The following ABHD11 variants were observed in gnomAD, a reference collection of about 807,000 sequenced individuals.
ABHD11 encodes the protein abhydrolase domain containing 11, also known as sn-1-specific diacylglycerol lipase ABHD11.
ABHD11 carries 26 observed loss-of-function variants against 29.0 expected under a neutral mutation model. The observed-to-expected ratio is 0.90, with a 90% confidence interval of 0.66 to 1.24. The LOEUF is 1.24. ABHD11 is among the 50% of genes most tolerant of loss of function. The probability of loss-of-function intolerance (pLI) is 0.00; values close to 1 mark genes in which losing one functional copy is unlikely to be tolerated. For synonymous variants in ABHD11, 169 were observed against 166.4 expected (o/e 1.02, Z -0.12); for missense variants, 381 against 422.4 (o/e 0.90, Z 0.86).
At position 73,737,745 on chromosome 7, in the gene ABHD11, G is replaced by C. The variant is rs782552241; in HGVS notation, c.262-10C>G. 1.9e-6 allele frequency: 3 copies of C among 1,603,696 alleles called. No homozygotes were observed. The highest frequency in any genetic ancestry group is 1.1e-5 in the South Asian group (1 of 89,818). On this transcript the variant is annotated splice_polypyrimidine_tract_variant and intron_variant, in intron 2 of 5. Transcript: ENST00000222800. ...CATCCACCGTCAGCACCTGGGGAGT[G>C]GGGTGAGACGGGGCTGCGTTGATAT...
intron 2 of ABHD11, 66 bp downstream of exon 2, chr7:73,738,262 G>A: frequency 1.8e-6 from 2 of 1,133,666 alleles, no homozygotes; most frequent in South Asian, 1.3e-5. Flanking sequence ...CCCCTGCCCC[G>A]CCTCCTCTCA....
intron 2 of ABHD11, 139 bp downstream of exon 2, chr7:73,738,189 G>T: frequency 7.6e-7 from 1 of 1,324,154 alleles, no homozygotes; most frequent in Non-Finnish European, 1.1e-6. Flanking sequence ...AATAAATGGG[G>T]TTGCCGTTCA....
rs992942491 is a variant in ABHD11, at chr7:73,738,408, C to G, written c.181G>C (p.Val61Leu). The G allele has an allele frequency of 6.2e-7, 1 of 1,612,038 alleles. No individual in the cohort carries two copies. Among genetic ancestry groups the G allele is most frequent in the Non-Finnish European group, 8.5e-7 (1 of 1,179,140 alleles). The change falls in exon 2 of 6, where the codon GTC (valine) becomes CTC (leucine). Residue 61 changes from valine to leucine, a missense_variant. Coordinates refer to ENST00000222800, the MANE Select transcript of ABHD11 (RefSeq NM_148912.4). ...CTGCCGAAGAGCCCGTGCAAAAAGA[C>G]GACGGCCGGGAGGGCTGCCTCCCCG... ...LDGEAALPAV[V>L]FLHGLFGSKT... is the part of the protein sequence containing the mutation.
chr7:73,738,034 A>T (rs782127601), intron 2 of ABHD11: 3 of 741,818 alleles, frequency 4.0e-6, no homozygotes, highest in South Asian at 3.0e-5. Flanking sequence ...AGCACAGAAG[A>T]ATGGGCTGCC....
At chr7:73,736,808 C>T (rs1322548252) in intron 5 of ABHD11, 117 bp from the exon 6 acceptor site, 18 of 1,576,628 alleles carry the variant, frequency 1.1e-5, no homozygotes, top group African/African-American at 4.0e-5. Flanking sequence ...CCCATATGCC[C>T]GGTGGTATTT....
intron 2 of ABHD11, 130 bp downstream of exon 2, chr7:73,738,198 C>T (rs1299340722): frequency 7.2e-7 from 1 of 1,383,774 alleles, no homozygotes; most frequent in East Asian, 2.5e-5. Context: ...GGTTGCCGTT[C>T]AGGGTCCATA....
At position 73,737,314 on chromosome 7, in the gene ABHD11, A is replaced by G. The variant is rs6460052; in HGVS notation, c.513T>C (p.Tyr171=). 829,798 of 1,613,792 alleles carry G rather than the reference A, an allele frequency of 0.51. 217,616 individuals carry two copies. The highest frequency in any genetic ancestry group is 0.78 in the African/African-American group (58,474 of 74,984). ...ESTGVSHFAT[Y]VAAMRAINIA... is the part of the protein sequence containing the mutation. Reference sequence around the variant, plus strand: ...TGTTGATGGCCCTCATGGCTGCCACATAGGTTGCAAAGTGGGAGACACCTG... The same window carrying G: ...TGTTGATGGCCCTCATGGCTGCCACGTAGGTTGCAAAGTGGGAGACACCTG... The change falls in exon 4 of 6, where the codon TAT becomes TAC. Residue 171 remains tyrosine, a synonymous_variant. Coordinates refer to ENST00000222800, the MANE Select transcript of ABHD11 (RefSeq NM_148912.4).
At position 73,736,669 on chromosome 7, in the gene ABHD11, T is replaced by A; in HGVS notation, c.811A>T (p.Met271Leu). The A allele has an allele frequency of 6.2e-7, 1 of 1,613,854 alleles. No homozygotes were observed. The highest frequency in any genetic ancestry group is 8.5e-7 in the Non-Finnish European group (1 of 1,180,008). ...FVHPSHHPEI[M>L]RLFPRAQMQT... Reference sequence around the variant, plus strand: ...ATCTGGGCCCGAGGGAAGAGCCGCATAATCTCAGGGTGGTGGCTGGGACTG... The same window carrying A: ...ATCTGGGCCCGAGGGAAGAGCCGCAAAATCTCAGGGTGGTGGCTGGGACTG... The change falls in exon 6 of 6, where the codon ATG (methionine) becomes TTG (leucine). Residue 271 changes from methionine to leucine, a missense_variant. Physicochemically the swap from Met to Leu is conservative, Grantham distance 15. Transcript: ENST00000222800.
intron 2 of ABHD11, 43 bp downstream of exon 2, chr7:73,738,282 CACT>C: frequency 1.1e-4 from 166 of 1,456,610 alleles, no homozygotes; most frequent in Middle Eastern, 1.9e-4. Context: ...AGGCCCCGCC[CACT>C]CCCGCCCAGC....
rs1433185681 is a variant in ABHD11 at position 73,737,671 on chromosome 7, A to G, written c.326T>C (p.Ile109Thr). 8.1e-6 allele frequency: 13 copies of G among 1,613,950 alleles called. No homozygotes were observed. Among genetic ancestry groups the G allele is most frequent in the Non-Finnish European group, 1.1e-5 (13 of 1,179,966 alleles). ...AAGGTCCTGCAGGTCCTGGCTCATG[A>G]TCTCGTAGCTCATGTCTGGGCTGTG... ...SPHSPDMSYE[I>T]MSQDLQDLLP... is the part of the protein sequence containing the mutation. Residue 109 changes from isoleucine (I) to threonine (T), a missense_variant, in exon 3 of 6, where the codon ATC becomes ACC. Coordinates refer to ENST00000222800, the MANE Select transcript of ABHD11 (RefSeq NM_148912.4).
In ABHD11 at chr7:73,736,631, C is replaced by T. The variant is rs143792326; in HGVS notation, c.849G>A (p.Pro283=). 62 of 1,613,938 alleles carry T rather than the reference C, an allele frequency of 3.8e-5. No individual in the cohort carries two copies. Among genetic ancestry groups the T allele is most frequent in the Non-Finnish European group, 4.5e-5 (53 of 1,180,034 alleles). ...CAGCGTGGATCCAGTGGCCAGCGTT[C>T]GGCACCGTCTGCATCTGGGCCCGAG... ...LFPRAQMQTV[P]NAGHWIHADR... is the part of the protein sequence containing the mutation. The change falls in exon 6 of 6, where the codon CCG becomes CCA. Residue 283 remains proline (P), a synonymous_variant. Coordinates refer to ENST00000222800, the MANE Select transcript of ABHD11 (RefSeq NM_148912.4).
rs782275089 is a variant in ABHD11, at chr7:73,737,214, G to GT, written c.606+6dup. The GT allele has an allele frequency of 1.2e-5, 19 of 1,613,914 alleles. No homozygotes were observed. Among genetic ancestry groups the GT allele is most frequent in the Middle Eastern group, 1.6e-4 (1 of 6,084 alleles). On this transcript the variant is annotated splice_region_variant and intron_variant, in intron 4 of 5. Coordinates refer to ENST00000222800, the MANE Select transcript of ABHD11 (RefSeq NM_148912.4). ...CAATACCATCCGGGGCACCTTGGGTGTATCACCTGGATGACAGAACTGAGC... is the reference window on the plus strand; with the variant it reads ...CAATACCATCCGGGGCACCTTGGGTGTTATCACCTGGATGACAGAACTGAGC...
intron 4 of ABHD11, 35 bp downstream of exon 4, chr7:73,737,186 C>G: frequency 6.2e-7 from 1 of 1,613,804 alleles, no homozygotes; most frequent in Non-Finnish European, 8.5e-7. Context: ...AGGTCCTGGT[C>G]TACAATACCA....
chr7:73,738,522 G>C, intron 1 of ABHD11, 59 bp from the exon 2 acceptor site: 2 of 1,579,302 alleles, frequency 1.3e-6, no homozygotes, highest in Non-Finnish European at 1.7e-6. Flanking sequence ...AAAGGGGTAG[G>C]GGGAAAGAGC....
Position 73,737,010 on chromosome 7 carries a change from T to C in ABHD11, c.707A>G (p.Lys236Arg). The change falls in exon 5 of 6, where the codon AAG becomes AGG. Residue 236 changes from lysine to arginine, a missense_variant. By Grantham distance (26) the Lys-to-Arg change is conservative. Coordinates refer to ENST00000222800, the MANE Select transcript of ABHD11 (RefSeq NM_148912.4). ...NLDALTQHLD[K>R]ILAFPQRQES... ...CTGCCTCTGTGGGAAAGCCAAGATC[T>C]TGTCTAGGTGCTGGGTCAGGGCATC... 6.2e-7 allele frequency: 1 copy of C among 1,614,048 alleles called. No individual in the cohort carries two copies. Among genetic ancestry groups the C allele is most frequent in the Non-Finnish European group, 8.5e-7 (1 of 1,180,020 alleles).
rs1412879237 is a variant in ABHD11, at chr7:73,738,314, A to T, written c.261+14T>A. On this transcript the variant is annotated intron_variant, in intron 2 of 5. Coordinates refer to ENST00000222800, the MANE Select transcript of ABHD11 (RefSeq NM_148912.4). Reference sequence around the variant, plus strand: ...GCCCAGCCCCAAAGGAGCCCCGCCCACTCGAAAGCTCACCCTACGGCCTGT... The same window carrying T: ...GCCCAGCCCCAAAGGAGCCCCGCCCTCTCGAAAGCTCACCCTACGGCCTGT... 1 of 719,662 alleles carries T rather than the reference A, an allele frequency of 1.4e-6. No homozygotes were observed. Among genetic ancestry groups the T allele is most frequent in the Non-Finnish European group, 2.1e-6 (1 of 469,218 alleles). The allele number at this position is 719,662 out of a possible 1,614,324, so 44.6% of individuals were successfully genotyped here. A position where few individuals can be genotyped will look rare whatever the true frequency, so the allele number is the denominator to read the frequency against.
rs150493055 is a variant in ABHD11 at position 73,738,726 on chromosome 7, G to T, written c.45C>A (p.Leu15=). 8.1e-6 allele frequency: 13 copies of T among 1,609,112 alleles called. No homozygotes were observed. The African/African-American group carries it at 1.5e-4, about 18-fold the overall frequency. ...TCGCGAAGCTAGGGCCGTGGGGGCC[G>T]AGTCCCTCACGCGGGAGCCTCCAGG... The part of the protein sequence containing the change: ...TRAWRLPREG[L]GPHGPSFARV... Residue 15 remains leucine, a synonymous_variant, in exon 1 of 6, where the codon CTC becomes CTA. Transcript: ENST00000222800.
At position 73,737,354 on chromosome 7, in the gene ABHD11, C is replaced by A. The variant is rs782116973; in HGVS notation, c.473G>T (p.Ser158Ile). The A allele has an allele frequency of 1.2e-6, 2 of 1,613,698 alleles. No individual in the cohort carries two copies. Among genetic ancestry groups the A allele is most frequent in the Admixed American group, 3.3e-5 (2 of 59,994 alleles). The change falls in exon 4 of 6, where the codon AGC (serine) becomes ATC (isoleucine). Residue 158 changes from serine to isoleucine, a missense_variant. By Grantham distance (142) the Ser-to-Ile change is moderately radical. Coordinates refer to ENST00000222800, the MANE Select transcript of ABHD11 (RefSeq NM_148912.4). ...LVERLIAVDI[S>I]PVESTGVSHF... Reference sequence around the variant, plus strand: ...GGAGACACCTGTGCTTTCCACTGGGCTGATATCTACAGCAATGAGACGTTC... The same window carrying A: ...GGAGACACCTGTGCTTTCCACTGGGATGATATCTACAGCAATGAGACGTTC...
At position 73,738,584 on chromosome 7, in the gene ABHD11, GT is replaced by G. The variant is rs1303911667; in HGVS notation, c.125+61del. ...AGGCCCAAAGGGAGGAGATGGGGCCGTCGGGGCCCGGCAGGAAAAGGAGGAC... is the reference window on the plus strand; with the variant it reads ...AGGCCCAAAGGGAGGAGATGGGGCCGCGGGGCCCGGCAGGAAAAGGAGGAC... On this transcript the variant is annotated intron_variant, in intron 1 of 5. Transcript: ENST00000222800. 2.6e-6 allele frequency: 4 copies of G among 1,565,502 alleles called. No individual in the cohort carries two copies. In the African/African-American group the frequency reaches 5.4e-5, roughly 21 times the overall value.
Sources: gnomAD v4.1 joint callset for allele counts on GRCh38, gnomAD v4.1.1 for gene constraint, MANE v1.5 for transcripts, NCBI Gene and HGNC (gene_info 2026-07-23, HGNC 2026-07-21) for gene names.